Variants in LRMDA observed in about 807,000 individuals in gnomAD.
LRMDA encodes leucine rich melanocyte differentiation associated, also known as leucine-rich melanocyte differentiation-associated protein.
A neutral mutation model predicts 29.8 loss-of-function variants in LRMDA; 18 were observed. The observed-to-expected ratio is 0.60, with a 90% CI of 0.42 to 0.90. The LOEUF (loss-of-function observed/expected upper bound fraction) is 0.90. Among genes scored for constraint, LRMDA ranks in the 40% least tolerant of loss-of-function variants. The probability of loss-of-function intolerance (pLI) is 0.00; values close to 1 mark genes in which losing one functional copy is unlikely to be tolerated. For missense variants in LRMDA, 273 were observed against 273.9 expected (o/e 1.00, Z 0.02); for synonymous variants, 125 against 109.4 (o/e 1.14, Z -0.89).
intron 6 of LRMDA, among the ~76,000 whole-genome samples, chr10:76,503,737 G>A (rs923826852): frequency 2.0e-5 from 3 of 151,498 alleles, no homozygotes; most frequent in Non-Finnish European, 4.4e-5. Context: ...TATTAGTCTA[G>A]CTAGAGATCT....
At chr10:76,229,348 G>A (rs915118385) in intron 5 of LRMDA, among the ~76,000 whole-genome samples, 1 of 152,200 alleles carries the variant, frequency 6.6e-6, no homozygotes, top group African/African-American at 2.4e-5. Context: ...GTGGGGGTCT[G>A]CAGGCACTTT....
intron 5 of LRMDA, among the ~76,000 whole-genome samples, chr10:76,166,054 G>A (rs1850733834): frequency 6.6e-6 from 1 of 152,214 alleles, no homozygotes; most frequent in Admixed American, 6.5e-5. Flanking sequence ...ATTTGTAGCG[G>A]TTAGGCAGGA....
intron 6 of LRMDA, among the ~76,000 whole-genome samples, chr10:76,352,680 G>A (rs1841192049): frequency 6.6e-6 from 1 of 151,948 alleles, no homozygotes; most frequent in African/African-American, 2.4e-5. Flanking sequence ...GGATAAGGAG[G>A]GACTACTGTA....
chr10:76,376,505 A>C (rs943382971), intron 6 of LRMDA, among the ~76,000 whole-genome samples: 1 of 152,124 alleles, frequency 6.6e-6, no homozygotes, highest in Non-Finnish European at 1.5e-5. Context: ...TAACTTTACT[A>C]TTGTGAATAG....
intron 4 of LRMDA, 76 bp downstream of exon 4, chr10:76,047,379 G>T: frequency 1.4e-6 from 2 of 1,385,352 alleles, no homozygotes; most frequent in East Asian, 5.0e-5. Context: ...ATACTCTGGG[G>T]TGCATAGTAG....
At chr10:75,956,613 C>T (rs1846668298) in intron 2 of LRMDA, among the ~76,000 whole-genome samples, 2 of 152,182 alleles carry the variant, frequency 1.3e-5, no homozygotes, top group Non-Finnish European at 2.9e-5. Context: ...TAGTCTTTCT[C>T]TGTCCTGAGG....
At chr10:76,444,439 G>A (rs768621113) in intron 6 of LRMDA, among the ~76,000 whole-genome samples, 12 of 152,144 alleles carry the variant, frequency 7.9e-5, no homozygotes, top group Non-Finnish European at 1.5e-4. Context: ...GTTTAAAGGC[G>A]ACCATTCTTA....
chr10:76,365,509 G>A (rs535447340), intron 6 of LRMDA, among the ~76,000 whole-genome samples: 1 of 152,258 alleles, frequency 6.6e-6, no homozygotes, highest in African/African-American at 2.4e-5. Context: ...GTAATGTTGA[G>A]CATTTGTTCA....
chr10:76,367,179 A>G (rs1841400732), intron 6 of LRMDA, among the ~76,000 whole-genome samples: 2 of 152,136 alleles, frequency 1.3e-5, no homozygotes, highest in South Asian at 4.1e-4. Context: ...CTATTTTAGC[A>G]TCTATGTTCA....
chr10:76,471,872 A>G (rs985497142), intron 6 of LRMDA, among the ~76,000 whole-genome samples: 2 of 151,804 alleles, frequency 1.3e-5, no homozygotes, highest in African/African-American at 4.8e-5. Context: ...CAGGTATGTA[A>G]AACAATCATA....
intron 2 of LRMDA, among the ~76,000 whole-genome samples, chr10:75,545,648 A>G (rs1430930473): frequency 6.6e-6 from 1 of 152,158 alleles, no homozygotes; most frequent in Non-Finnish European, 1.5e-5. Context: ...TGCCAATGAG[A>G]AAACTGAGCC....
At chr10:75,641,448 T>C (rs1384786830) in intron 2 of LRMDA, among the ~76,000 whole-genome samples, 2 of 151,358 alleles carry the variant, frequency 1.3e-5, no homozygotes, top group Non-Finnish European at 2.9e-5. Flanking sequence ...TTTATAGTTT[T>C]GGTTTTTATT....
intron 2 of LRMDA, among the ~76,000 whole-genome samples, chr10:75,455,266 G>A (rs1414404151): frequency 2.4e-4 from 36 of 152,172 alleles, no homozygotes; most frequent in Admixed American, 2.4e-3. Flanking sequence ...CTTGACCACT[G>A]TCCCTTGCAG....
chr10:75,619,240 G>A (rs1369998004), intron 2 of LRMDA, among the ~76,000 whole-genome samples: 1 of 152,138 alleles, frequency 6.6e-6, no homozygotes, highest in Non-Finnish European at 1.5e-5. Flanking sequence ...GAAAATCCAT[G>A]TACAAGTGGA....
chr10:75,544,032 T>A (rs1840049352), intron 2 of LRMDA, among the ~76,000 whole-genome samples: 1 of 152,130 alleles, frequency 6.6e-6, no homozygotes, highest in Non-Finnish European at 1.5e-5. Flanking sequence ...AAGAACCAAC[T>A]TCAAAGGAGT....
chr10:75,523,184 C>T (rs1327038346), intron 2 of LRMDA, among the ~76,000 whole-genome samples: 1 of 152,130 alleles, frequency 6.6e-6, no homozygotes, highest in Non-Finnish European at 1.5e-5. Context: ...AAGTACTGTC[C>T]ACATATAGGT....
intron 2 of LRMDA, among the ~76,000 whole-genome samples, chr10:75,539,587 AT>A (rs1306645637): frequency 6.6e-6 from 1 of 152,206 alleles, no homozygotes; most frequent in African/African-American, 2.4e-5. Flanking sequence ...GGCAAATAAT[AT>A]TGATAAAAAT....
chr10:76,050,759 G>T (rs542118068), intron 4 of LRMDA, among the ~76,000 whole-genome samples: 30 of 152,358 alleles, frequency 2.0e-4, no homozygotes, highest in African/African-American at 5.8e-4. Flanking sequence ...ATATGGGAAA[G>T]TTGGGTGCCC....
chr10:75,472,837 G>GTC (rs1844742341), intron 2 of LRMDA, among the ~76,000 whole-genome samples: 1 of 152,234 alleles, frequency 6.6e-6, no homozygotes, highest in Non-Finnish European at 1.5e-5. Flanking sequence ...CTTTGTCTTT[G>GTC]TTCTTCAGTT....
Sources: allele counts gnomAD v4.1 joint callset (sites outside exome capture counted in the v4.1 genomes callset), GRCh38; gene constraint gnomAD v4.1.1; transcripts MANE v1.5; gene names NCBI Gene and HGNC (gene_info 2026-07-23, HGNC 2026-07-21).